The following POLDIP3 variants were observed in gnomAD, a reference collection of about 807,000 sequenced individuals.
POLDIP3 encodes the protein polymerase delta-interacting protein 3.
In POLDIP3, 14 loss-of-function variants were observed where a neutral mutation model predicts 45.1. That is an observed-to-expected ratio of 0.31 (90% CI 0.20 to 0.49). The LOEUF (loss-of-function observed/expected upper bound fraction) is 0.49, where lower values mean the gene tolerates loss of function less well. Ranked by LOEUF, POLDIP3 falls within the 20% of genes least tolerant of loss-of-function variation. The probability of loss-of-function intolerance (pLI) is 0.99; values close to 1 mark genes in which losing one functional copy is unlikely to be tolerated. For synonymous variants in POLDIP3, 223 were observed against 205.2 expected (o/e 1.09, Z -0.74); for missense variants, 511 against 538.8 (o/e 0.95, Z 0.51).
chr22:42,597,587 C>T (rs1174832093), intron 4 of POLDIP3: 1 of 405,634 alleles, frequency 2.5e-6, no homozygotes, highest in Non-Finnish European at 5.1e-6. Flanking sequence ...GGGTAATCAA[C>T]AGTACCCATC....
intron 1 of POLDIP3, among the ~76,000 whole-genome samples, chr22:42,614,032 T>A (rs1927296765): frequency 6.6e-6 from 1 of 152,144 alleles, no homozygotes; most frequent in African/African-American, 2.4e-5. Context: ...AAGCACTTTC[T>A]TCTCCCTAAG....
intron 4 of POLDIP3, chr22:42,597,752 A>T (rs1442363505): frequency 2.1e-6 from 1 of 469,720 alleles, no homozygotes; most frequent in East Asian, 6.9e-5. Flanking sequence ...GTAAAGAAAC[A>T]AACTGGCATC....
In POLDIP3 at chr22:42,602,931, T is replaced by C; in HGVS notation, c.289A>G (p.Met97Val). 1.5e-5 allele frequency: 25 copies of C among 1,614,106 alleles called. No homozygotes were observed. Among genetic ancestry groups the C allele is most frequent in the Non-Finnish European group, 2.1e-5 (25 of 1,180,012 alleles). Residue 97 changes from methionine to valine, a missense_variant, in exon 2 of 9, where the codon ATG (methionine) becomes GTG (valine). Transcript: ENST00000252115. ...GTCTGCTGCTTGCGAGAGTTCAACA[T>C]CTCTCTGGCATCCTGCACTTTCCCT... is the stretch of plus-strand genomic sequence containing the variant. Reference protein sequence around the residue: ...IKGKVQDAREMLNSRKQQTTV... With the variant: ...IKGKVQDAREVLNSRKQQTTV...
chr22:42,601,909 C>A (rs1434384015), intron 3 of POLDIP3, 61 bp downstream of exon 3: 4 of 1,569,170 alleles, frequency 2.5e-6, no homozygotes, highest in Middle Eastern at 1.7e-4. Flanking sequence ...AACACGTGCA[C>A]ACCTACATGT....
chr22:42,607,246 G>A (rs954569823), intron 1 of POLDIP3, among the ~76,000 whole-genome samples: 1 of 152,212 alleles, frequency 6.6e-6, no homozygotes, highest in South Asian at 2.1e-4. Flanking sequence ...CGAGTGCCTG[G>A]GATTGCAGGC....
Position 42,596,237 on chromosome 22 carries a change from G to T in POLDIP3, c.762C>A (p.Ser254=), listed in dbSNP as rs1925978019. The part of the protein sequence containing the change: ...SIRTKALTNM[S]RTLVNKEEPP... ...GTTCTTCCTTGTTCACCAGTGTCCG[G>T]GACATGTTGGTCAAGGCTTTTGTTC... is the stretch of plus-strand genomic sequence containing the variant. The change falls in exon 5 of 9, where the codon TCC becomes TCA. Residue 254 remains serine, a synonymous_variant. Transcript: ENST00000252115. 2 of 1,614,184 alleles carry T rather than the reference G, an allele frequency of 1.2e-6. No homozygotes were observed. The highest frequency in any genetic ancestry group is 1.7e-6 in the Non-Finnish European group (2 of 1,180,030).
chr22:42,604,800 C>T (rs1471397868), intron 1 of POLDIP3, among the ~76,000 whole-genome samples: 1 of 152,176 alleles, frequency 6.6e-6, no homozygotes, highest in Admixed American at 6.5e-5. Context: ...ATGCCAGTAC[C>T]AAACCTAAGG....
intron 1 of POLDIP3, among the ~76,000 whole-genome samples, chr22:42,614,062 C>A (rs766827638): frequency 1.3e-5 from 2 of 152,272 alleles, no homozygotes; most frequent in East Asian, 3.9e-4. Flanking sequence ...AATCTCCTGC[C>A]CAACACACCA....
At chr22:42,607,687 C>G (rs1482873381) in intron 1 of POLDIP3, among the ~76,000 whole-genome samples, 1 of 151,766 alleles carries the variant, frequency 6.6e-6, no homozygotes, top group East Asian at 1.9e-4. Flanking sequence ...GGCCGTCCAT[C>G]GTCTGAGATG....
chr22:42,609,058 A>G (rs1384566412), intron 1 of POLDIP3, among the ~76,000 whole-genome samples: 1 of 152,218 alleles, frequency 6.6e-6, no homozygotes, highest in Non-Finnish European at 1.5e-5. Context: ...CACTCCTGCC[A>G]GGGGTAGGTC....
rs1925257845 is a variant in POLDIP3 at position 42,585,648 on chromosome 22, T to C, written c.*143A>G. 1.1e-6 allele frequency: 1 copy of C among 925,510 alleles called. No homozygotes were observed. Among genetic ancestry groups the C allele is most frequent in the African/African-American group, 1.7e-5 (1 of 60,038 alleles). 57.3% of individuals were successfully genotyped at this position (925,510 alleles called of 1,614,324 possible). Reference sequence around the variant, plus strand: ...ACACAACACAGAAAGGCGGGTCCCATCCAGTGAGGAAGCTCTTTATCCCTG... The same window carrying C: ...ACACAACACAGAAAGGCGGGTCCCACCCAGTGAGGAAGCTCTTTATCCCTG... On this transcript the variant is annotated 3_prime_UTR_variant, in exon 9 of 9. Transcript: ENST00000252115.
At position 42,601,965 on chromosome 22, in the gene POLDIP3, T is replaced by C. The variant is rs760208656; in HGVS notation, c.537+5A>G. 6 of 1,613,704 alleles carry C rather than the reference T, an allele frequency of 3.7e-6. No individual in the cohort carries two copies. The highest frequency in any genetic ancestry group is 5.1e-6 in the Non-Finnish European group (6 of 1,179,730). ...CTCTCTCTCTCTCTCACTCACTCAC[T>C]CTACCTGTTTGGCCTGGTGGTTATT... On this transcript the variant is annotated splice_donor_5th_base_variant and intron_variant, in intron 3 of 8. Coordinates refer to ENST00000252115, the MANE Select transcript of POLDIP3 (RefSeq NM_032311.5).
chr22:42,599,588 G>T (rs1311945038), intron 4 of POLDIP3, 110 bp downstream of exon 4: 1 of 799,748 alleles, frequency 1.3e-6, no homozygotes, highest in African/African-American at 1.8e-5. Flanking sequence ...GCCTGGGGGA[G>T]AAGAGCGAGA....
At chr22:42,586,536 A>G (rs1925325969) in intron 8 of POLDIP3, among the ~76,000 whole-genome samples, 1 of 152,160 alleles carries the variant, frequency 6.6e-6, no homozygotes, top group Admixed American at 6.6e-5. Context: ...TTCCTTCTGG[A>G]TGGTAACATC....
chr22:42,587,258 C>A (rs954024793), intron 8 of POLDIP3, among the ~76,000 whole-genome samples: 4 of 152,158 alleles, frequency 2.6e-5, no homozygotes, highest in Non-Finnish European at 5.9e-5. Flanking sequence ...AACTTCCACT[C>A]AGATATTTCT....
Position 42,592,033 on chromosome 22 carries a change from C to T in POLDIP3, c.943G>A (p.Gly315Arg). The T allele has an allele frequency of 6.2e-7, 1 of 1,614,242 alleles. No individual in the cohort carries two copies. The highest frequency in any genetic ancestry group is 8.5e-7 in the Non-Finnish European group (1 of 1,180,048). The change falls in exon 7 of 9, where the codon GGG becomes AGG. Residue 315 changes from glycine to arginine, a missense_variant. Coordinates refer to ENST00000252115, the MANE Select transcript of POLDIP3 (RefSeq NM_032311.5). The stretch of plus-strand genomic sequence containing the variant: ...TTCACAAACACCACCTCCGCTACCC[C>T]AGGATGGACCAGTCGAGCTCGCTTG... ...ALKRARLVHPGVAEVVFVKKD... is the reference protein window; with the variant it reads ...ALKRARLVHPRVAEVVFVKKD...
intron 1 of POLDIP3, among the ~76,000 whole-genome samples, chr22:42,612,908 T>C (rs1260319863): frequency 6.6e-6 from 1 of 152,086 alleles, no homozygotes; most frequent in Non-Finnish European, 1.5e-5. Flanking sequence ...AACTGCCTAG[T>C]TCAGAACTCC....
chr22:42,590,624 T>C (rs929450814), intron 7 of POLDIP3, among the ~76,000 whole-genome samples: 5 of 152,234 alleles, frequency 3.3e-5, no homozygotes, highest in African/African-American at 1.2e-4. Flanking sequence ...AAAAAGTCCT[T>C]ATACTGCATA....
intron 1 of POLDIP3, among the ~76,000 whole-genome samples, chr22:42,608,046 C>A (rs1926875010): frequency 6.6e-6 from 1 of 152,234 alleles, no homozygotes; most frequent in Non-Finnish European, 1.5e-5. Context: ...GGCCGCCACC[C>A]CGTCTGGGAG....
Sources: gnomAD v4.1 joint callset for allele counts (sites outside exome capture counted in the v4.1 genomes callset) on GRCh38, gnomAD v4.1.1 for gene constraint, MANE v1.5 for transcripts, NCBI Gene and HGNC (gene_info 2026-07-23, HGNC 2026-07-21) for gene names.